Variants in SLC4A4 observed in about 807,000 individuals in gnomAD.
SLC4A4 encodes solute carrier family 4 member 4.
Under a neutral mutation model 111.5 loss-of-function variants are expected in SLC4A4, and 27 were observed. The observed-to-expected ratio is 0.24, with a 90% CI of 0.18 to 0.33. The LOEUF (loss-of-function observed/expected upper bound fraction) is 0.33. SLC4A4 is among the 10% of genes least tolerant of loss of function. The pLI, the probability that SLC4A4 is intolerant of heterozygous loss-of-function variation, is 1.00. For missense variants in SLC4A4, 909 were observed against 1,315.5 expected, an observed-to-expected ratio of 0.69 and a Z score of 4.78; for synonymous variants, 443 against 463.4, an observed-to-expected ratio of 0.96 and a Z score of 0.57.
chr4:71,178,381 C>T (rs1220723440), intron 2 of SLC4A4, among the ~76,000 whole-genome samples: 1 of 150,016 alleles, frequency 6.7e-6, no homozygotes, highest in Non-Finnish European at 1.5e-5. Flanking sequence ...GAAACAGAGA[C>T]ACAAAAATCC....
intron 2 of SLC4A4, among the ~76,000 whole-genome samples, chr4:71,253,922 A>C (rs1394798932): frequency 6.6e-6 from 1 of 152,174 alleles, no homozygotes; most frequent in Non-Finnish European, 1.5e-5. Flanking sequence ...TGCATTGCTT[A>C]GCTGGAATAT....
At chr4:71,190,487 A>G (rs1206932078) in intron 1 of SLC4A4, among the ~76,000 whole-genome samples, 1 of 151,776 alleles carries the variant, frequency 6.6e-6, no homozygotes, top group Non-Finnish European at 1.5e-5. Flanking sequence ...CATATTAACT[A>G]CTTTCGTAAT....
At chr4:71,079,736 A>C (rs1373992093) in intron 1 of SLC4A4, among the ~76,000 whole-genome samples, 6 of 151,014 alleles carry the variant, frequency 4.0e-5, no homozygotes, top group Admixed American at 6.6e-5. Flanking sequence ...TGGCTGTGCC[A>C]CTGCATTCTA....
intron 7 of SLC4A4, among the ~76,000 whole-genome samples, chr4:71,424,464 C>T (rs1482708951): frequency 6.6e-6 from 1 of 151,826 alleles, no homozygotes; most frequent in Non-Finnish European, 1.5e-5. Context: ...CTAGAAATAC[C>T]ATTTGACCCA....
At chr4:71,390,264 G>C (rs1719135484) in intron 6 of SLC4A4, among the ~76,000 whole-genome samples, 1 of 152,046 alleles carries the variant, frequency 6.6e-6, no homozygotes, top group African/African-American at 2.4e-5. Context: ...TGTTCTCTTT[G>C]TCCCATTTTA....
chr4:71,147,080 G>A (rs1054967677), intron 2 of SLC4A4, among the ~76,000 whole-genome samples: 7 of 151,908 alleles, frequency 4.6e-5, no homozygotes, highest in African/African-American at 1.7e-4. Flanking sequence ...AAAGGCAGGG[G>A]TTGCAATCCT....
intron 2 of SLC4A4, among the ~76,000 whole-genome samples, chr4:71,171,686 G>T (rs1334009055): frequency 2.0e-5 from 3 of 152,252 alleles, no homozygotes; most frequent in African/African-American, 7.2e-5. Context: ...CAGTTTATTA[G>T]TACAGCACCA....
At chr4:71,344,200 A>G (rs1307036627) in intron 4 of SLC4A4, among the ~76,000 whole-genome samples, 1 of 152,188 alleles carries the variant, frequency 6.6e-6, no homozygotes, top group Non-Finnish European at 1.5e-5. Context: ...CACACAGGTC[A>G]TGCTCAACAA....
intron 2 of SLC4A4, among the ~76,000 whole-genome samples, chr4:71,249,284 A>G (rs115389558): frequency 1.1e-3 from 163 of 152,256 alleles, no homozygotes; most frequent in Middle Eastern, 0.01. Flanking sequence ...AAAATTATCT[A>G]TACATAAATG....
intron 16 of SLC4A4, among the ~76,000 whole-genome samples, chr4:71,500,266 G>A (rs2149156174): frequency 6.6e-6 from 1 of 152,120 alleles, no homozygotes; most frequent in South Asian, 2.1e-4. Context: ...CTATTTATTA[G>A]GTGAATTGCT....
intron 3 of SLC4A4, among the ~76,000 whole-genome samples, chr4:71,279,729 T>A (rs1723357683): frequency 6.6e-6 from 1 of 152,236 alleles, no homozygotes; most frequent in African/African-American, 2.4e-5. Context: ...GTCTAATTTA[T>A]ATTCCTATTA....
At chr4:71,403,574 C>T (rs1239325432) in intron 7 of SLC4A4, among the ~76,000 whole-genome samples, 4 of 152,122 alleles carry the variant, frequency 2.6e-5, no homozygotes, top group Admixed American at 6.5e-5. Flanking sequence ...AGAGAGGTTT[C>T]TAGGCTGAGC....
At chr4:71,162,617 G>T (rs1360074719) in intron 2 of SLC4A4, among the ~76,000 whole-genome samples, 3 of 152,124 alleles carry the variant, frequency 2.0e-5, no homozygotes. Context: ...AATGAATGTA[G>T]ACCACAGGGG....
Position 71,190,385 on chromosome 4 carries a change from TACACACACACACAC to T in SLC4A4, c.-2+3016_-2+3029del, listed in dbSNP as rs5859253. Among the ~76,000 whole-genome samples, 270 of 143,754 alleles carry T rather than the reference TACACACACACACAC, an allele frequency of 1.9e-3. 2 individuals are homozygous for T. The highest frequency in any genetic ancestry group is 5.9e-3 in the African/African-American group (233 of 39,230). 94.3% of individuals were successfully genotyped at this position (143,754 alleles called of 152,430 possible). On this transcript the variant is annotated intron_variant, in intron 1 of 25. Transcript: ENST00000264485. The stretch of plus-strand genomic sequence containing the variant: ...TTACTCAGTTCTGTCTATGTATGTT[TACACACACACACAC>T]ACACACACACACACACACACACACA...
chr4:71,118,545 C>A (rs1233575604), intron 2 of SLC4A4, among the ~76,000 whole-genome samples: 1 of 151,912 alleles, frequency 6.6e-6, no homozygotes, highest in Non-Finnish European at 1.5e-5. Context: ...GGAGTACTTT[C>A]CCTTTGCCTC....
At chr4:71,353,207 C>T (rs143947761) in intron 5 of SLC4A4, among the ~76,000 whole-genome samples, 43 of 152,168 alleles carry the variant, frequency 2.8e-4, no homozygotes, top group African/African-American at 1.0e-3. Context: ...TTTCTCTAAC[C>T]TCCATGCATT....
intron 2 of SLC4A4, among the ~76,000 whole-genome samples, chr4:71,132,866 A>T (rs1305223413): frequency 6.6e-6 from 1 of 152,176 alleles, no homozygotes; most frequent in Admixed American, 6.5e-5. Context: ...TATTAAGTAC[A>T]TGCATGTGTG....
intron 3 of SLC4A4, among the ~76,000 whole-genome samples, chr4:71,325,320 A>G (rs1280719753): frequency 6.6e-6 from 1 of 152,034 alleles, no homozygotes; most frequent in Non-Finnish European, 1.5e-5. Context: ...TTAACCTGTT[A>G]AAATGGAATA....
chr4:71,515,887 A>T (rs1156864145), intron 16 of SLC4A4, among the ~76,000 whole-genome samples: 1 of 152,034 alleles, frequency 6.6e-6, no homozygotes, highest in Non-Finnish European at 1.5e-5. Flanking sequence ...TAAGTAGCAT[A>T]TAGTTAGATG....
Sources: gnomAD v4.1 joint callset for allele counts (sites outside exome capture counted in the v4.1 genomes callset) on GRCh38, gnomAD v4.1.1 for gene constraint, MANE v1.5 for transcripts, NCBI Gene and HGNC (gene_info 2026-07-23, HGNC 2026-07-21) for gene names.